Variants in AQP8 observed in about 807,000 individuals in gnomAD.
AQP8 encodes aquaporin 8.
AQP8 carries 14 observed loss-of-function variants against 26.1 expected under a neutral mutation model. The ratio of observed to expected loss-of-function variants is 0.54; its 90% confidence interval spans 0.35 to 0.84. The LOEUF (loss-of-function observed/expected upper bound fraction) is 0.84, where lower values mean the gene tolerates loss of function less well. Among genes scored for constraint, AQP8 ranks in the 40% least tolerant of loss-of-function variants. AQP8 has a pLI of 0.01. For missense variants in AQP8, 301 were observed against 340.5 expected (o/e 0.88, Z 0.91); for synonymous variants, 131 against 150.7 (o/e 0.87, Z 0.96).
chr16:25,226,705 G>A (rs8051740), intron 4 of AQP8, among the ~76,000 whole-genome samples: 5,161 of 152,272 alleles, frequency 0.034, 305 homozygotes, highest in African/African-American at 0.12. Context: ...TGTGGGCTGG[G>A]TTTTGAATCT....
intron 3 of AQP8, 22 bp from the exon 4 acceptor site, chr16:25,224,340 G>T (rs569348752): frequency 6.3e-7 from 1 of 1,597,506 alleles, no homozygotes; most frequent in Non-Finnish European, 8.5e-7. Flanking sequence ...CCACTGTGAG[G>T]CTCAGCAGCT....
chr16:25,217,940 C>T (rs1962510397), intron 2 of AQP8, among the ~76,000 whole-genome samples: 1 of 152,008 alleles, frequency 6.6e-6, no homozygotes, highest in South Asian at 2.1e-4. Flanking sequence ...GTACCAGGCA[C>T]TAGTCTAATT....
intron 4 of AQP8, among the ~76,000 whole-genome samples, chr16:25,226,428 T>G (rs1055030129): frequency 5.3e-5 from 8 of 152,212 alleles, no homozygotes; most frequent in African/African-American, 1.9e-4. Context: ...CAGCTAACTT[T>G]GTATTTTTAA....
In AQP8 at chr16:25,217,176, T is replaced by C. The variant is rs778980712; in HGVS notation, c.13-22T>C. On this transcript the variant is annotated intron_variant, in intron 1 of 5. Transcript: ENST00000219660. ...GGACTTGCCTCCCACCCGTGTCCTC[T>C]GTCCCTTTTTCCCTACGGCAGATAG... 3.7e-6 allele frequency: 6 copies of C among 1,613,800 alleles called. No homozygotes were observed. The South Asian group carries it at 6.6e-5, about 18-fold the overall frequency.
At chr16:25,218,840 C>T (rs1962521265) in intron 2 of AQP8, among the ~76,000 whole-genome samples, 1 of 151,256 alleles carries the variant, frequency 6.6e-6, no homozygotes, top group East Asian at 1.9e-4. Flanking sequence ...GATTGTGCCA[C>T]TGCACTCCAG....
chr16:25,228,723 C>T lies in AQP8; in HGVS notation c.*231C>T. 1.9e-6 allele frequency: 1 copy of T among 529,078 alleles called. No homozygotes were observed. Among genetic ancestry groups the T allele is most frequent in the Non-Finnish European group, 3.4e-6 (1 of 292,640 alleles). The allele number at this position is 529,078 out of a possible 1,614,324, so 32.8% of individuals were successfully genotyped here. Reference sequence around the variant, plus strand: ...CCCAGCCTGGGGAACACGCTGCCCGCACTGCCCAGAGAGCAGTGCAAACAC... The same window carrying T: ...CCCAGCCTGGGGAACACGCTGCCCGTACTGCCCAGAGAGCAGTGCAAACAC... On this transcript the variant is annotated 3_prime_UTR_variant, in exon 6 of 6. Transcript: ENST00000219660.
chr16:25,227,071 C>T lies in AQP8; in HGVS notation c.606C>T (p.Gly202=), dbSNP rs1426910679. 6.2e-7 allele frequency: 1 copy of T among 1,613,930 alleles called. No individual in the cohort carries two copies. The highest frequency in any genetic ancestry group is 8.5e-7 in the Non-Finnish European group (1 of 1,180,022). ...FAVTVDILAG[G]PVSGGCMNPA... is the part of the protein sequence containing the mutation. ...CTTGGTGCCTGGGTGTTTGCAGGGG[C>T]CCTGTGTCTGGAGGCTGCATGAATC... Residue 202 remains glycine (G), a synonymous_variant, in exon 5 of 6, where the codon GGC becomes GGT. Coordinates refer to ENST00000219660, the MANE Select transcript of AQP8 (RefSeq NM_001169.3).
In AQP8 at chr16:25,228,604, C is replaced by A. The variant is rs565382554; in HGVS notation, c.*112C>A. On this transcript the variant is annotated 3_prime_UTR_variant, in exon 6 of 6. Transcript: ENST00000219660. ...CCAGGGCAGAGGCCCAGAGGAGCGA[C>A]CCCCTGCTTCCACTGCTTGGGCCTG... 16 of 1,131,716 alleles carry A rather than the reference C, an allele frequency of 1.4e-5. No individual in the cohort carries two copies. The highest frequency in any genetic ancestry group is 2.1e-5 in the Non-Finnish European group (16 of 764,602). 70.1% of individuals were successfully genotyped at this position (1,131,716 alleles called of 1,614,324 possible).
intron 4 of AQP8, among the ~76,000 whole-genome samples, chr16:25,225,441 C>T (rs993129937): frequency 4.0e-5 from 6 of 151,792 alleles, no homozygotes; most frequent in East Asian, 1.9e-4. Flanking sequence ...GCTTTGCTGC[C>T]CCCTAGTGGT....
rs1205271000 is a variant in AQP8 at position 25,224,352 on chromosome 16, C to T, written c.388-10C>T. The T allele has an allele frequency of 2.5e-6, 4 of 1,605,636 alleles. No individual in the cohort carries two copies. In the South Asian group the frequency reaches 3.3e-5, roughly 13 times the overall value. ...GCCCCACTGTGAGGCTCAGCAGCTTCTCTGTGCAGGCGGTGAGTCCTGAGG... is the reference window on the plus strand; with the variant it reads ...GCCCCACTGTGAGGCTCAGCAGCTTTTCTGTGCAGGCGGTGAGTCCTGAGG... On this transcript the variant is annotated splice_polypyrimidine_tract_variant and intron_variant, in intron 3 of 5. Coordinates refer to ENST00000219660, the MANE Select transcript of AQP8 (RefSeq NM_001169.3).
intron 3 of AQP8, among the ~76,000 whole-genome samples, chr16:25,224,081 C>T (rs1962598954): frequency 6.6e-6 from 1 of 152,226 alleles, no homozygotes; most frequent in African/African-American, 2.4e-5. Context: ...CCCATCTCAG[C>T]CTCCCAAAGT....
chr16:25,224,599 G>A (rs748529614), intron 4 of AQP8, 23 bp downstream of exon 4: 2 of 1,599,998 alleles, frequency 1.3e-6, no homozygotes, highest in Non-Finnish European at 1.7e-6. Flanking sequence ...TGGCAGTGGG[G>A]TGACCATGCC....
chr16:25,224,838 A>G (rs1488028839), intron 4 of AQP8, among the ~76,000 whole-genome samples: 1 of 152,204 alleles, frequency 6.6e-6, no homozygotes, highest in Non-Finnish European at 1.5e-5. Context: ...GAAGTCAGAA[A>G]TTTAAATCTG....
At chr16:25,228,336 G>A (rs1962662040) in intron 5 of AQP8, 108 bp from the exon 6 acceptor site, 1 of 965,524 alleles carries the variant, frequency 1.0e-6, no homozygotes, top group Non-Finnish European at 1.7e-6. Context: ...ATTAAGGCTG[G>A]GGAGGCTCAG....
chr16:25,228,585 C>T lies in AQP8; in HGVS notation c.*93C>T, dbSNP rs1271174267. On this transcript the variant is annotated 3_prime_UTR_variant, in exon 6 of 6. Coordinates refer to ENST00000219660, the MANE Select transcript of AQP8 (RefSeq NM_001169.3). ...GGAGTTCCTGCATTTCCTGCCAGGG[C>T]AGAGGCCCAGAGGAGCGACCCCCTG... 7.2e-7 allele frequency: 1 copy of T among 1,380,830 alleles called. No individual in the cohort carries two copies. Among genetic ancestry groups the T allele is most frequent in the African/African-American group, 1.4e-5 (1 of 70,328 alleles). The allele number at this position is 1,380,830 out of a possible 1,614,324, so 85.5% of individuals were successfully genotyped here.
chr16:25,223,830 C>G (rs28696184), intron 3 of AQP8, among the ~76,000 whole-genome samples: 1 of 144,458 alleles, frequency 6.9e-6, no homozygotes, highest in Non-Finnish European at 1.5e-5. Context: ...TTTTCTTTTT[C>G]TTTTTTTTTT....
chr16:25,227,257 C>T (rs2141348314), intron 5 of AQP8, 55 bp downstream of exon 5: 5 of 1,609,046 alleles, frequency 3.1e-6, no homozygotes, highest in East Asian at 2.2e-5. Flanking sequence ...GGCAACATCT[C>T]CCAGAGAGTC....
intron 5 of AQP8, 127 bp downstream of exon 5, chr16:25,227,329 G>A: frequency 2.4e-6 from 3 of 1,245,028 alleles, no homozygotes; most frequent in South Asian, 1.5e-5. Context: ...CCTCTTTAGA[G>A]GCAAAGAAAA....
At position 25,219,560 on chromosome 16, in the gene AQP8, T is replaced by A. The variant is rs888556313; in HGVS notation, c.261-1897T>A. Among the ~76,000 whole-genome samples, 7 of 151,528 alleles carry A rather than the reference T, an allele frequency of 4.6e-5. 1 individual carries two copies. The highest frequency in any genetic ancestry group is 1.5e-4 in the African/African-American group (6 of 41,078). ...ATGTGTGGTTTTCGTCACCTGGCCCTCCTGATAGAGCCATGCTCTGGGTGA... is the reference window on the plus strand; with the variant it reads ...ATGTGTGGTTTTCGTCACCTGGCCCACCTGATAGAGCCATGCTCTGGGTGA... On this transcript the variant is annotated intron_variant, in intron 2 of 5. Transcript: ENST00000219660.
Sources: gnomAD v4.1 joint callset for allele counts (sites outside exome capture counted in the v4.1 genomes callset) on GRCh38, gnomAD v4.1.1 for gene constraint, MANE v1.5 for transcripts, NCBI Gene and HGNC (gene_info 2026-07-23, HGNC 2026-07-21) for gene names.